The following RYR2 variants were observed in gnomAD, a reference collection of about 807,000 sequenced individuals.
The protein encoded by RYR2 is ryanodine receptor 2.
A neutral mutation model predicts 601.1 loss-of-function variants in RYR2; 227 were observed. The observed-to-expected ratio is 0.38, with a 90% CI of 0.34 to 0.42. The LOEUF (loss-of-function observed/expected upper bound fraction) is 0.42. RYR2 is among the 10% of genes least tolerant of loss of function. The pLI, the probability that RYR2 is intolerant of heterozygous loss-of-function variation, is 1.00. For synonymous variants in RYR2, 2,223 were observed against 2,175.1 expected (o/e 1.02, Z -0.61); for missense variants, 4,646 against 6,156.5 (o/e 0.75, Z 8.21).
chr1:237,175,179 T>C (rs1039612030), intron 1 of RYR2, among the ~76,000 whole-genome samples: 7 of 152,242 alleles, frequency 4.6e-5, no homozygotes, highest in African/African-American at 1.7e-4. Context: ...ATTTTACAGA[T>C]ATATTATGTA....
At chr1:237,820,573 G>C (rs1487518280) in intron 101 of RYR2, among the ~76,000 whole-genome samples, 1 of 152,162 alleles carries the variant, frequency 6.6e-6, no homozygotes, top group Non-Finnish European at 1.5e-5. Context: ...CAGGGCCCTG[G>C]GTTTCAAGCA....
chr1:237,049,464 G>A (rs965478541), intron 1 of RYR2, among the ~76,000 whole-genome samples: 1 of 152,142 alleles, frequency 6.6e-6, no homozygotes, highest in African/African-American at 2.4e-5. Flanking sequence ...GAGGTAAAAT[G>A]GGGAGGTTGT....
intron 1 of RYR2, among the ~76,000 whole-genome samples, chr1:237,179,871 T>A (rs1469836833): frequency 6.6e-6 from 1 of 152,108 alleles, no homozygotes; most frequent in Admixed American, 6.5e-5. Context: ...ACATCTATTG[T>A]CTTTGCAGAG....
chr1:237,101,794 A>C (rs1572636103), intron 1 of RYR2, among the ~76,000 whole-genome samples: 1 of 152,210 alleles, frequency 6.6e-6, no homozygotes, highest in East Asian at 1.9e-4. Flanking sequence ...TACCAAGTGT[A>C]CTTTTCATCT....
intron 81 of RYR2, among the ~76,000 whole-genome samples, chr1:237,756,858 G>A (rs1209207534): frequency 6.6e-6 from 1 of 152,158 alleles, no homozygotes; most frequent in Non-Finnish European, 1.5e-5. Context: ...ACACATAGGT[G>A]GCAAGCTGTA....
chr1:237,764,599 A>G (rs1327124125), intron 84 of RYR2, among the ~76,000 whole-genome samples: 1 of 151,664 alleles, frequency 6.6e-6, no homozygotes, highest in Non-Finnish European at 1.5e-5. Flanking sequence ...CAGGCCTGCC[A>G]CCACAATTGG....
chr1:237,801,833 A>AAT lies in RYR2; in HGVS notation c.14091-23_14091-22insAT. The AAT allele has an allele frequency of 2.2e-6, 3 of 1,365,684 alleles. No homozygotes were observed. The South Asian group carries it at 3.9e-5, about 18-fold the overall frequency. 84.6% of individuals were successfully genotyped at this position (1,365,684 alleles called of 1,614,324 possible). On this transcript the variant is annotated intron_variant, in intron 97 of 104. Transcript: ENST00000366574. ...CTTTGGTTAATGTGCATAACTACGC[A>AAT]TTTTTTTTTTTTGTCATTGCAGACT...
chr1:237,732,568 G>A (rs988713442), intron 78 of RYR2, among the ~76,000 whole-genome samples: 3 of 152,232 alleles, frequency 2.0e-5, no homozygotes, highest in Non-Finnish European at 4.4e-5. Flanking sequence ...ACCTCTAGAG[G>A]CTAAGTGAGC....
At chr1:237,145,309 C>T (rs1476037788) in intron 1 of RYR2, among the ~76,000 whole-genome samples, 1 of 152,066 alleles carries the variant, frequency 6.6e-6, no homozygotes. Flanking sequence ...TCTAAGACAC[C>T]TATGTGGTTG....
chr1:237,483,130 C>G (rs1662298829), intron 17 of RYR2, among the ~76,000 whole-genome samples: 1 of 152,136 alleles, frequency 6.6e-6, no homozygotes, highest in Non-Finnish European at 1.5e-5. Context: ...ATCAAACTAA[C>G]TTTGATTCCA....
At chr1:237,173,813 T>G (rs1444301511) in intron 1 of RYR2, among the ~76,000 whole-genome samples, 1 of 151,728 alleles carries the variant, frequency 6.6e-6, no homozygotes, top group Non-Finnish European at 1.5e-5. Context: ...TCCCAGCACT[T>G]TGGGAGGCCG....
chr1:237,818,926 A>G, intron 100 of RYR2, 110 bp from the exon 101 acceptor site: 1 of 971,146 alleles, frequency 1.0e-6, no homozygotes, highest in East Asian at 2.5e-5. Flanking sequence ...AGAATGCAAA[A>G]ATTCTCATTT....
At chr1:237,450,275 T>C (rs1558838549) in intron 14 of RYR2, among the ~76,000 whole-genome samples, 1 of 152,134 alleles carries the variant, frequency 6.6e-6, no homozygotes, top group Non-Finnish European at 1.5e-5. Context: ...AGCCCTCTCC[T>C]CTCTGTGTCC....
chr1:237,051,347 G>C (rs11582448), intron 1 of RYR2, among the ~76,000 whole-genome samples: 2 of 119,530 alleles, frequency 1.7e-5, no homozygotes. Context: ...CTCCCCTCTC[G>C]TCTTCTCTCC....
At chr1:237,710,455 T>A (rs547253789) in intron 70 of RYR2, among the ~76,000 whole-genome samples, 204 of 152,280 alleles carry the variant, frequency 1.3e-3, no homozygotes, top group African/African-American at 4.8e-3. Flanking sequence ...ATATTATTTA[T>A]TGCCTACATC....
At chr1:237,181,274 A>G (rs1410532147) in intron 1 of RYR2, among the ~76,000 whole-genome samples, 85 of 147,284 alleles carry the variant, frequency 5.8e-4, no homozygotes, top group African/African-American at 2.0e-3. Flanking sequence ...ATGAGCCACC[A>G]CACCTGGCAG....
intron 1 of RYR2, among the ~76,000 whole-genome samples, chr1:237,223,005 G>T (rs1026711658): frequency 5.9e-5 from 9 of 152,104 alleles, no homozygotes; most frequent in Non-Finnish European, 1.2e-4. Flanking sequence ...GGAGGCGGAG[G>T]TTGCGGTGAG....
chr1:237,795,850 G>GTGTGTGTATATATATATATATATATA (rs1659088718), intron 96 of RYR2, among the ~76,000 whole-genome samples: 1 of 61,646 alleles, frequency 1.6e-5, no homozygotes, highest in Non-Finnish European at 3.5e-5. Flanking sequence ...ATATATATAT[G>GTGTGTGTATATATATATATATATATA]TATATGTATA....
At chr1:237,691,652 TA>T (rs1686954847) in intron 63 of RYR2, among the ~76,000 whole-genome samples, 1 of 152,226 alleles carries the variant, frequency 6.6e-6, no homozygotes, top group African/African-American at 2.4e-5. Context: ...ATGTTATGTT[TA>T]AAAAGCTAAG....
Sources: gnomAD v4.1 joint callset for allele counts (sites outside exome capture counted in the v4.1 genomes callset) on GRCh38, gnomAD v4.1.1 for gene constraint, MANE v1.5 for transcripts, NCBI Gene and HGNC (gene_info 2026-07-23, HGNC 2026-07-21) for gene names.